Variants in RAB3GAP2 observed in about 807,000 individuals in gnomAD.
The protein encoded by RAB3GAP2 is rab3 GTPase-activating protein non-catalytic subunit.
A neutral mutation model predicts 185.3 loss-of-function variants in RAB3GAP2; 87 were observed. The observed-to-expected ratio is 0.47, with a 90% CI of 0.39 to 0.56. The LOEUF (loss-of-function observed/expected upper bound fraction) is 0.56. Ranked by LOEUF, RAB3GAP2 falls within the 20% of genes least tolerant of loss-of-function variation. The probability of loss-of-function intolerance (pLI) is 0.00; values close to 1 mark genes in which losing one functional copy is unlikely to be tolerated. For missense variants in RAB3GAP2, 1,492 were observed against 1,638.2 expected (o/e 0.91, Z 1.54); for synonymous variants, 554 against 576.1 (o/e 0.96, Z 0.55).
chr1:220,176,727 C>A (rs1163077029), intron 21 of RAB3GAP2, among the ~76,000 whole-genome samples: 1 of 152,164 alleles, frequency 6.6e-6, no homozygotes, highest in East Asian at 1.9e-4. Flanking sequence ...CCCTGACAGG[C>A]TCACCAACCT....
Position 220,169,775 on chromosome 1 carries a change from T to C in RAB3GAP2, c.2806+1117A>G, listed in dbSNP as rs543379357. ...CCACAGAACTTTGGTTTATGAGTTA[T>C]GGCTGTCAATCTTTATGGTACTAAA... On this transcript the variant is annotated intron_variant, in intron 24 of 34. Coordinates refer to ENST00000358951, the MANE Select transcript of RAB3GAP2 (RefSeq NM_012414.4). Among the ~76,000 whole-genome samples the C allele has an allele frequency of 2.0e-5, 3 of 152,346 alleles. No homozygotes were observed. The East Asian group carries it at 5.8e-4, about 29-fold the overall frequency.
chr1:220,182,687 C>A, intron 20 of RAB3GAP2, 31 bp downstream of exon 20: 1 of 1,453,132 alleles, frequency 6.9e-7, no homozygotes, highest in Middle Eastern at 2.5e-4. Context: ...AAAGAAGAGG[C>A]ATACAAAGAC....
chr1:220,257,921 C>T (rs1337737615), intron 1 of RAB3GAP2, among the ~76,000 whole-genome samples: 4 of 152,076 alleles, frequency 2.6e-5, no homozygotes, highest in African/African-American at 9.7e-5. Context: ...CACAGAAATA[C>T]AAACAACCCT....
intron 31 of RAB3GAP2, chr1:220,154,383 C>G (rs950595955): frequency 1.1e-5 from 3 of 285,266 alleles, no homozygotes; most frequent in African/African-American, 6.7e-5. Flanking sequence ...ACTGCTTCTT[C>G]TGCCTTGAGG....
rs1411215285 is a variant in RAB3GAP2, at chr1:220,195,315, A to T, written c.1023T>A (p.Ala341=). 6.2e-7 allele frequency: 1 copy of T among 1,611,406 alleles called. No individual in the cohort carries two copies. Among genetic ancestry groups the T allele is most frequent in the Admixed American group, 1.7e-5 (1 of 60,022 alleles). ...ALAVASKLTS[A]LFNAASGWLG... is the part of the protein sequence containing the mutation. ...GTAATTACCTGGCAGCATTAAATAA[A>T]GCAGAAGTGAGTTTACTTGCAACTG... The change falls in exon 11 of 35, where the codon GCT becomes GCA. Residue 341 remains alanine, a synonymous_variant. Coordinates refer to ENST00000358951, the MANE Select transcript of RAB3GAP2 (RefSeq NM_012414.4).
chr1:220,245,124 G>GAAA (rs60329512), intron 1 of RAB3GAP2, among the ~76,000 whole-genome samples: 3 of 147,274 alleles, frequency 2.0e-5, no homozygotes, highest in African/African-American at 7.4e-5. Flanking sequence ...AAATCAGCAA[G>GAAA]AAAAAAAAAA....
rs1558135308 is a variant in RAB3GAP2 at position 220,149,075 on chromosome 1, C to CT, written c.*2175dup. 1 of 152,116 alleles carries CT rather than the reference C, an allele frequency of 6.6e-6. No individual in the cohort carries two copies. The highest frequency in any genetic ancestry group is 1.9e-4 in the East Asian group (1 of 5,200). 9.4% of individuals were successfully genotyped at this position (152,116 alleles called of 1,614,324 possible). On this transcript the variant is annotated 3_prime_UTR_variant, in exon 35 of 35. Coordinates refer to ENST00000358951, the MANE Select transcript of RAB3GAP2 (RefSeq NM_012414.4). ...CCCATTCTACATTAAAATCTAATTC[C>CT]TTTATCATCTATGGCTCTTTGTTAT... is the stretch of plus-strand genomic sequence containing the variant.
chr1:220,151,697 A>T lies in RAB3GAP2; in HGVS notation c.3935T>A (p.Leu1312Gln). ...CTGGGTGTGGAGAAGCGCATGAGCC[A>T]GCCTTTGCCCCGTGAGCACCAGCAG... ...SQLLVLTGQR[L>Q]AHALLHTQTK... Residue 1312 changes from leucine (L) to glutamine (Q), a missense_variant, in exon 34 of 35, where the codon CTG (leucine) becomes CAG (glutamine). By Grantham distance (113) the Leu-to-Gln change is moderately radical (BLOSUM62 -2). Coordinates refer to ENST00000358951, the MANE Select transcript of RAB3GAP2 (RefSeq NM_012414.4). 6.2e-7 allele frequency: 1 copy of T among 1,611,896 alleles called. No homozygotes were observed.
At chr1:220,262,296 G>A (rs1169427675) in intron 1 of RAB3GAP2, among the ~76,000 whole-genome samples, 3 of 151,694 alleles carry the variant, frequency 2.0e-5, no homozygotes, top group African/African-American at 7.3e-5. Flanking sequence ...GCAAGACTCT[G>A]TCTCAAGAAA....
chr1:220,247,087 A>T (rs1377797968), intron 1 of RAB3GAP2, among the ~76,000 whole-genome samples: 1 of 152,204 alleles, frequency 6.6e-6, no homozygotes, highest in African/African-American at 2.4e-5. Flanking sequence ...AATGATCATG[A>T]TTAAAAAGTC....
intron 1 of RAB3GAP2, among the ~76,000 whole-genome samples, chr1:220,251,547 A>G (rs1395604001): frequency 6.6e-6 from 1 of 152,232 alleles, no homozygotes; most frequent in Non-Finnish European, 1.5e-5. Flanking sequence ...ACTTTTCTCA[A>G]TTTTAAGAGG....
At chr1:220,245,765 C>T (rs1659799311) in intron 1 of RAB3GAP2, among the ~76,000 whole-genome samples, 1 of 152,140 alleles carries the variant, frequency 6.6e-6, no homozygotes, top group Admixed American at 6.5e-5. Context: ...CTTAAATGTC[C>T]CTGTCTGACA....
chr1:220,236,534 A>G (rs1185697585), intron 1 of RAB3GAP2, among the ~76,000 whole-genome samples: 1 of 152,136 alleles, frequency 6.6e-6, no homozygotes, highest in Admixed American at 6.5e-5. Context: ...CCTATGTCCT[A>G]TTGAAAATCA....
intron 1 of RAB3GAP2, among the ~76,000 whole-genome samples, chr1:220,248,812 A>G (rs541146877): frequency 6.6e-6 from 1 of 152,210 alleles, no homozygotes; most frequent in East Asian, 1.9e-4. Context: ...GGAGGTTCTC[A>G]TCATAGTGAG....
intron 17 of RAB3GAP2, among the ~76,000 whole-genome samples, chr1:220,189,128 A>G (rs1476367412): frequency 1.3e-5 from 2 of 152,078 alleles, no homozygotes; most frequent in Non-Finnish European, 2.9e-5. Context: ...GGCTCTTTAG[A>G]GTTCCTGGTA....
intron 1 of RAB3GAP2, among the ~76,000 whole-genome samples, chr1:220,245,261 T>C (rs1377467413): frequency 1.3e-5 from 2 of 152,128 alleles, no homozygotes; most frequent in African/African-American, 4.8e-5. Flanking sequence ...AGGTACCGGG[T>C]TCATCTCACT....
rs1657792750 is a variant in RAB3GAP2 at position 220,153,091 on chromosome 1, A to G, written c.3867+94T>C. The G allele has an allele frequency of 3.1e-5, 29 of 924,998 alleles. No homozygotes were observed. The South Asian group carries it at 3.7e-4, about 12-fold the overall frequency. 57.3% of individuals were successfully genotyped at this position (924,998 alleles called of 1,614,324 possible). On this transcript the variant is annotated intron_variant, in intron 33 of 34. Coordinates refer to ENST00000358951, the MANE Select transcript of RAB3GAP2 (RefSeq NM_012414.4). ...ACCTAGATGTTCTAATAAAAGGAAG[A>G]GCAAAAGGCTTCATTGGAAACTTAA...
intron 1 of RAB3GAP2, among the ~76,000 whole-genome samples, chr1:220,258,911 C>A (rs1660084494): frequency 6.6e-6 from 1 of 151,988 alleles, no homozygotes; most frequent in African/African-American, 2.4e-5. Flanking sequence ...AATCAATGTG[C>A]AAAAAATCAC....
intron 28 of RAB3GAP2, 135 bp downstream of exon 28, chr1:220,162,063 T>C (rs1657972523): frequency 1.4e-6 from 1 of 718,878 alleles, no homozygotes; most frequent in African/African-American, 1.8e-5. Context: ...GGGCATTACA[T>C]TTAACTGAGT....
Sources: allele counts gnomAD v4.1 joint callset (sites outside exome capture counted in the v4.1 genomes callset), GRCh38; gene constraint gnomAD v4.1.1; transcripts MANE v1.5; gene names NCBI Gene and HGNC (gene_info 2026-07-23, HGNC 2026-07-21).